The following USP49 variants were observed in gnomAD, a reference collection of about 807,000 sequenced individuals.
USP49 encodes the protein ubiquitin specific peptidase 49, also known as ubiquitin carboxyl-terminal hydrolase 49.
A neutral mutation model predicts 58.6 loss-of-function variants in USP49; 24 were observed. The ratio of observed to expected loss-of-function variants is 0.41; its 90% CI spans 0.30 to 0.58. The LOEUF is 0.58. USP49 is among the 20% of genes least tolerant of loss of function. The pLI is 0.30. For synonymous variants in USP49, 408 were observed against 365.1 expected (o/e 1.12, Z -1.34); for missense variants, 703 against 866.1 (o/e 0.81, Z 2.36).
chr6:41,890,098 A>T (rs56307633), intron 2 of USP49, among the ~76,000 whole-genome samples: 4,277 of 152,210 alleles, frequency 0.028, 209 homozygotes, highest in African/African-American at 0.097. Context: ...TATTTTTTTT[A>T]AATGAGTGGA....
chr6:41,800,062 T>G (rs1561901768), intron 5 of USP49, 124 bp from the exon 6 acceptor site: 4 of 794,446 alleles, frequency 5.0e-6, no homozygotes, highest in South Asian at 1.6e-5. Context: ...CTCAATTTTT[T>G]GGGGGGCGCA....
chr6:41,796,736 A>G lies in USP49; in HGVS notation c.1877-13T>C. On this transcript the variant is annotated splice_polypyrimidine_tract_variant and intron_variant, in intron 7 of 7. Transcript: ENST00000682992. ...TGGACCCAAAAACCTAGGAAACCAAAGGAGAAAAAGAGAGAAAATGACTAC... is the reference window on the plus strand; with the variant it reads ...TGGACCCAAAAACCTAGGAAACCAAGGGAGAAAAAGAGAGAAAATGACTAC... 1 of 714,242 alleles carries G rather than the reference A, an allele frequency of 1.4e-6. No homozygotes were observed. The highest frequency in any genetic ancestry group is 1.5e-5 in the South Asian group (1 of 67,336). 44.2% of individuals were successfully genotyped at this position (714,242 alleles called of 1,614,324 possible). A position where few individuals can be genotyped will look rare whatever the true frequency, so the allele number is the denominator to read the frequency against.
At chr6:41,815,509 G>A (rs1773333939) in intron 3 of USP49, among the ~76,000 whole-genome samples, 2 of 152,072 alleles carry the variant, frequency 1.3e-5, no homozygotes, top group Admixed American at 6.5e-5. Context: ...ACAGTGGGTG[G>A]GAGAAGAGAT....
At chr6:41,823,384 CTA>C (rs1306540506) in intron 3 of USP49, among the ~76,000 whole-genome samples, 2 of 152,278 alleles carry the variant, frequency 1.3e-5, no homozygotes, top group Admixed American at 6.5e-5. Context: ...AAATGGTTTA[CTA>C]TGTTTTCCTT....
intron 2 of USP49, among the ~76,000 whole-genome samples, chr6:41,886,245 C>T (rs1025393985): frequency 2.0e-5 from 3 of 152,176 alleles, no homozygotes; most frequent in Non-Finnish European, 4.4e-5. Context: ...TAAATGTTAG[C>T]AATGACCATC....
intron 3 of USP49, among the ~76,000 whole-genome samples, chr6:41,809,696 G>A (rs1179883316): frequency 6.6e-6 from 1 of 151,084 alleles, no homozygotes; most frequent in Non-Finnish European, 1.5e-5. Flanking sequence ...CGTGGTGGTG[G>A]GCGCCTGTGG....
At chr6:41,889,189 C>T (rs1247268597) in intron 2 of USP49, among the ~76,000 whole-genome samples, 7 of 152,132 alleles carry the variant, frequency 4.6e-5, no homozygotes, top group African/African-American at 1.7e-4. Context: ...CGTGCCACCA[C>T]GTGTGGCTAA....
chr6:41,891,284 T>C (rs1041028190), intron 2 of USP49, among the ~76,000 whole-genome samples: 2 of 152,196 alleles, frequency 1.3e-5, no homozygotes, highest in Non-Finnish European at 2.9e-5. Flanking sequence ...GCTTTTGAAC[T>C]AAAATAAAGA....
chr6:41,838,722 C>T (rs1773768816), intron 3 of USP49, among the ~76,000 whole-genome samples: 1 of 152,136 alleles, frequency 6.6e-6, no homozygotes, highest in South Asian at 2.1e-4. Context: ...TTCTATAACA[C>T]CCTCAAAAGA....
intron 2 of USP49, among the ~76,000 whole-genome samples, chr6:41,876,444 C>T (rs923767143): frequency 6.6e-6 from 1 of 151,868 alleles, no homozygotes; most frequent in Non-Finnish European, 1.5e-5. Context: ...TAAGACAGAG[C>T]TTCGCTCTGT....
intron 3 of USP49, among the ~76,000 whole-genome samples, chr6:41,808,683 T>C (rs1318651042): frequency 2.0e-5 from 3 of 151,910 alleles, no homozygotes; most frequent in African/African-American, 4.8e-5. Flanking sequence ...GTGCTGCGAT[T>C]ATAGGTGTGA....
intron 1 of USP49, among the ~76,000 whole-genome samples, chr6:41,893,200 T>C (rs1360861562): frequency 3.9e-5 from 6 of 152,190 alleles, no homozygotes; most frequent in Admixed American, 1.3e-4. Flanking sequence ...TCTAAAATCC[T>C]CCACTACTCT....
At chr6:41,878,171 C>T (rs1418493561) in intron 2 of USP49, among the ~76,000 whole-genome samples, 1 of 152,108 alleles carries the variant, frequency 6.6e-6, no homozygotes, top group Non-Finnish European at 1.5e-5. Context: ...TCTTTCTTTG[C>T]TACCAAAGAA....
At chr6:41,860,136 A>G (rs937349280) in intron 3 of USP49, among the ~76,000 whole-genome samples, 4 of 152,202 alleles carry the variant, frequency 2.6e-5, no homozygotes, top group African/African-American at 9.7e-5. Flanking sequence ...AGTGTATCCA[A>G]TAACACTGGG....
chr6:41,798,752 G>A lies in USP49; in HGVS notation c.1848C>T (p.Tyr616=), dbSNP rs764176400. The A allele has an allele frequency of 9.3e-6, 15 of 1,614,150 alleles. No homozygotes were observed. The highest frequency in any genetic ancestry group is 1.2e-5 in the Non-Finnish European group (14 of 1,180,026). The change falls in exon 7 of 8, where the codon TAC becomes TAT. Residue 616 remains tyrosine, a synonymous_variant. Transcript: ENST00000682992. ...CCTCTGTGTTGTAGCAATAGGCTGT[G>A]TAGTGTCCTGAGCCAAACCCTTTCC... ...HHGKGFGSGH[Y]TAYCYNTEGG...
intron 2 of USP49, among the ~76,000 whole-genome samples, chr6:41,886,191 T>A (rs1774707639): frequency 6.6e-6 from 1 of 152,222 alleles, no homozygotes; most frequent in Admixed American, 6.5e-5. Context: ...ATCCAATTGA[T>A]ATAGGTGGTT....
At position 41,793,800 on chromosome 6, in the gene USP49, T is replaced by C. The variant is rs1772840926; in HGVS notation, c.*2733A>G. 1 of 152,232 alleles carries C rather than the reference T, an allele frequency of 6.6e-6. No homozygotes were observed. Among genetic ancestry groups the C allele is most frequent in the Non-Finnish European group, 1.5e-5 (1 of 68,050 alleles). 9.4% of individuals were successfully genotyped at this position (152,232 alleles called of 1,614,324 possible). A position where few individuals can be genotyped will look rare whatever the true frequency, so the allele number is the denominator to read the frequency against. ...CTTTTTGAGGGCCTAGGTGCACTCA[T>C]CTTGGCTGGCTACAGCAGCAAGTAA... On this transcript the variant is annotated 3_prime_UTR_variant, in exon 8 of 8. Transcript: ENST00000682992.
intron 2 of USP49, among the ~76,000 whole-genome samples, chr6:41,889,002 G>A (rs2127366563): frequency 6.6e-6 from 1 of 151,894 alleles, no homozygotes; most frequent in Middle Eastern, 3.4e-3. Context: ...TCATAATATG[G>A]CAAACTTATT....
At chr6:41,799,988 A>G in intron 5 of USP49, 50 bp from the exon 6 acceptor site, 1 of 1,518,714 alleles carries the variant, frequency 6.6e-7, no homozygotes, top group Non-Finnish European at 9.1e-7. Flanking sequence ...AGTTTTTTCT[A>G]GCTATGGCAG....
Sources: gnomAD v4.1 joint callset for allele counts (sites outside exome capture counted in the v4.1 genomes callset) on GRCh38, gnomAD v4.1.1 for gene constraint, MANE v1.5 for transcripts, NCBI Gene and HGNC (gene_info 2026-07-23, HGNC 2026-07-21) for gene names.